The following PEX5L variants were observed in gnomAD, a reference collection of about 807,000 sequenced individuals.
PEX5L encodes the protein peroxisomal biogenesis factor 5 like.
In PEX5L, 30 loss-of-function variants were observed where a neutral mutation model predicts 84.0. The ratio of observed to expected loss-of-function variants is 0.36; its 90% CI spans 0.27 to 0.48. The LOEUF (loss-of-function observed/expected upper bound fraction) is 0.48. PEX5L is among the 20% of genes least tolerant of loss of function. PEX5L has a pLI of 0.99. For synonymous variants in PEX5L, 270 were observed against 283.1 expected (o/e 0.95, Z 0.46); for missense variants, 533 against 754.6 (o/e 0.71, Z 3.44).
rs191536089 is a variant in PEX5L, at chr3:180,032,337, G to C, written c.21+4242C>G. ...CCACTTGAACTGAGATAACAAAGGG[G>C]GAGAGGAAGGCAGCAGCAACCACTG... is the stretch of plus-strand genomic sequence containing the variant. On this transcript the variant is annotated intron_variant, in intron 1 of 14. Transcript: ENST00000467460. Among the ~76,000 whole-genome samples the C allele has an allele frequency of 2.7e-3, 404 of 152,256 alleles. 10 individuals are homozygous for C. The highest frequency in any genetic ancestry group is 0.024 in the Admixed American group (369 of 15,292).
At chr3:179,895,512 A>G (rs1203876262) in intron 3 of PEX5L, 1 of 152,160 alleles carries the variant, frequency 6.6e-6, no homozygotes, top group East Asian at 1.9e-4. Context: ...AAGTCCTTGC[A>G]TATTGTTTGC....
At chr3:179,956,009 G>A (rs1237022809) in intron 2 of PEX5L, among the ~76,000 whole-genome samples, 1 of 152,102 alleles carries the variant, frequency 6.6e-6, no homozygotes, top group African/African-American at 2.4e-5. Context: ...CTTCCTTACA[G>A]ACGATACCAT....
intron 8 of PEX5L, among the ~76,000 whole-genome samples, chr3:179,824,390 A>G (rs1560246542): frequency 6.6e-6 from 1 of 152,162 alleles, no homozygotes; most frequent in Admixed American, 6.5e-5. Context: ...AAACCAATCC[A>G]AACAGCTCTG....
At chr3:179,832,253 CAGAG>C (rs369773488) in intron 8 of PEX5L, among the ~76,000 whole-genome samples, 4 of 151,344 alleles carry the variant, frequency 2.6e-5, no homozygotes, top group Non-Finnish European at 4.4e-5. Flanking sequence ...GAGAGAGAGA[CAGAG>C]AGAGAGAGAT....
intron 7 of PEX5L, among the ~76,000 whole-genome samples, chr3:179,864,357 C>CAA (rs1393727836): frequency 2.6e-5 from 4 of 152,002 alleles, no homozygotes; most frequent in African/African-American, 9.7e-5. Flanking sequence ...CAGCCTTATA[C>CAA]AAGAAAGAAA....
chr3:179,992,850 A>G (rs1787503194), intron 1 of PEX5L, among the ~76,000 whole-genome samples: 1 of 151,990 alleles, frequency 6.6e-6, no homozygotes, highest in African/African-American at 2.4e-5. Flanking sequence ...TTGATTTTTG[A>G]CCTGGTTCTT....
chr3:179,892,055 T>C (rs184367877), intron 3 of PEX5L, among the ~76,000 whole-genome samples: 52 of 152,256 alleles, frequency 3.4e-4, no homozygotes, highest in Admixed American at 2.6e-3. Flanking sequence ...GTTATACAAA[T>C]AATAAAAAGT....
chr3:179,799,243 T>A lies in PEX5L; in HGVS notation c.*2585A>T, dbSNP rs887494223. The A allele has an allele frequency of 8.5e-5, 13 of 152,176 alleles. No homozygotes were observed. The highest frequency in any genetic ancestry group is 3.1e-4 in the African/African-American group (13 of 41,446). 9.4% of individuals were successfully genotyped at this position (152,176 alleles called of 1,614,324 possible). ...TGTCACTCATGTTTTAATAATGGTT[T>A]TAACTTAATTTTATAAAAAATATTA... On this transcript the variant is annotated 3_prime_UTR_variant, in exon 15 of 15. Transcript: ENST00000467460.
At chr3:179,899,724 A>G (rs980694262) in intron 2 of PEX5L, among the ~76,000 whole-genome samples, 4 of 152,182 alleles carry the variant, frequency 2.6e-5, no homozygotes, top group African/African-American at 9.6e-5. Context: ...TCTGTTTACA[A>G]TGCTGAAAGT....
chr3:179,978,783 G>A (rs1369265193), intron 1 of PEX5L, among the ~76,000 whole-genome samples: 2 of 152,150 alleles, frequency 1.3e-5, no homozygotes, highest in Non-Finnish European at 2.9e-5. Context: ...TGTTGTATAG[G>A]TCCCATCACT....
At chr3:180,000,352 GA>G (rs1272687674) in intron 1 of PEX5L, among the ~76,000 whole-genome samples, 1 of 152,126 alleles carries the variant, frequency 6.6e-6, no homozygotes, top group African/African-American at 2.4e-5. Context: ...AGTATGCATG[GA>G]ATACAGGAGA....
chr3:180,010,246 C>CTTTTTT lies in PEX5L; in HGVS notation c.21+26327_21+26332dup, dbSNP rs1178375452. On this transcript the variant is annotated intron_variant, in intron 1 of 14. Transcript: ENST00000467460. The stretch of plus-strand genomic sequence containing the variant: ...AGGCGTGAGCCACTGCACCCGGCCT[C>CTTTTTT]TTTTTTTTTTTTTTTTTTTTCTGTA... 5.3e-3 allele frequency among the ~76,000 whole-genome samples: 560 copies of CTTTTTT among 105,068 alleles called. 16 individuals carry two copies. The highest frequency in any genetic ancestry group is 0.014 in the African/African-American group (318 of 23,038). The allele number at this position is 105,068 out of a possible 152,430, so 68.9% of individuals were successfully genotyped here. A position where few individuals can be genotyped will look rare whatever the true frequency, so the allele number is the denominator to read the frequency against.
At chr3:179,819,099 A>G (rs1249815835) in intron 9 of PEX5L, among the ~76,000 whole-genome samples, 4 of 149,914 alleles carry the variant, frequency 2.7e-5, no homozygotes, top group African/African-American at 9.9e-5. Flanking sequence ...TTTTTTATCC[A>G]TTTGTCTGTT....
chr3:179,900,882 C>T (rs2109020010), intron 2 of PEX5L: 1 of 606,534 alleles, frequency 1.6e-6, no homozygotes, highest in Non-Finnish European at 2.9e-6. Flanking sequence ...AGGTCTGCCA[C>T]AATGACATCT....
intron 2 of PEX5L, among the ~76,000 whole-genome samples, chr3:179,900,086 A>G (rs139856009): frequency 7.0e-4 from 106 of 152,346 alleles, no homozygotes; most frequent in Non-Finnish European, 1.4e-3. Flanking sequence ...TTATCAAAAT[A>G]TAAAAATTAT....
At chr3:179,972,365 T>C (rs977178802) in intron 1 of PEX5L, among the ~76,000 whole-genome samples, 8 of 152,112 alleles carry the variant, frequency 5.3e-5, no homozygotes, top group Non-Finnish European at 1.2e-4. Flanking sequence ...GCAAAATCTA[T>C]AAATTCTAAA....
At chr3:180,024,391 A>G (rs1222376816) in intron 1 of PEX5L, among the ~76,000 whole-genome samples, 21 of 113,808 alleles carry the variant, frequency 1.8e-4, no homozygotes, top group African/African-American at 8.3e-4. Flanking sequence ...CAAAAAAAAA[A>G]AAAATTAGCC....
In PEX5L at chr3:180,036,737, TACTCGGCCGGCCGGCGGCC is replaced by T. The variant is rs1791941728; in HGVS notation, c.-157_-139del. ...CTCCTGAGCCCCCTGGAGCTCCGGG[TACTCGGCCGGCCGGCGGCC>T]ACTCGGCAGCGCTGCGGGCTGCCGG... On this transcript the variant is annotated 5_prime_UTR_variant, in exon 1 of 15. Transcript: ENST00000467460. The T allele has an allele frequency of 3.4e-6, 3 of 894,264 alleles. No individual in the cohort carries two copies. The South Asian group carries it at 4.2e-5, about 13-fold the overall frequency. 55.4% of individuals were successfully genotyped at this position (894,264 alleles called of 1,614,324 possible). A position where few individuals can be genotyped will look rare whatever the true frequency, so the allele number is the denominator to read the frequency against.
At chr3:180,025,127 T>C (rs1269630558) in intron 1 of PEX5L, among the ~76,000 whole-genome samples, 1 of 152,144 alleles carries the variant, frequency 6.6e-6, no homozygotes, top group Non-Finnish European at 1.5e-5. Flanking sequence ...GTTTATAAGG[T>C]TTCCCTGTAA....
Sources: allele counts gnomAD v4.1 joint callset (sites outside exome capture counted in the v4.1 genomes callset), GRCh38; gene constraint gnomAD v4.1.1; transcripts MANE v1.5; gene names NCBI Gene and HGNC (gene_info 2026-07-23, HGNC 2026-07-21).